The following GPHN variants were observed in gnomAD, a reference collection of about 807,000 sequenced individuals.
The protein encoded by GPHN is gephyrin.
In GPHN, 17 loss-of-function variants were observed where a neutral mutation model predicts 95.5. That is an observed-to-expected ratio of 0.18 (90% CI 0.12 to 0.27). The LOEUF is 0.27. GPHN is among the 10% of genes least tolerant of loss of function. The pLI is 1.00. For synonymous variants in GPHN, 320 were observed against 322.5 expected (o/e 0.99, Z 0.08); for missense variants, 660 against 978.1 (o/e 0.67, Z 4.34).
At chr14:67,269,095 G>A in the GPHN span, among the ~76,000 whole-genome samples, 1 of 152,058 alleles carries the variant, frequency 6.6e-6, no homozygotes, top group African/African-American at 2.4e-5. Flanking sequence ...TGCCTCTTCT[G>A]GATATTTCAT....
At chr14:67,212,657 T>A in the GPHN span, among the ~76,000 whole-genome samples, 6 of 146,958 alleles carry the variant, frequency 4.1e-5, no homozygotes, top group African/African-American at 5.0e-5. Flanking sequence ...ATATATATAA[T>A]ATATATTTAC....
the GPHN span, chr14:67,572,298 G>A: frequency 1.3e-5 from 20 of 1,569,630 alleles, no homozygotes; most frequent in Non-Finnish European, 1.5e-5. Flanking sequence ...AAACGGGCGG[G>A]GGCAGGGTGG....
intron 9 of GPHN, among the ~76,000 whole-genome samples, chr14:66,997,391 C>CTTCAG (rs2071890780): frequency 6.8e-6 from 1 of 146,360 alleles, no homozygotes; most frequent in Non-Finnish European, 1.5e-5. Flanking sequence ...AAAAAAAGGA[C>CTTCAG]TTCAGTAGCC....
Position 66,965,200 on chromosome 14 carries a change from T to G in GPHN, c.838T>G (p.Ser280Ala). 3 of 1,611,794 alleles carry G rather than the reference T, an allele frequency of 1.9e-6. No homozygotes were observed. The highest frequency in any genetic ancestry group is 2.5e-6 in the Non-Finnish European group (3 of 1,177,940). Residue 280 changes from serine (S) to alanine (A), a missense_variant, in exon 9 of 23, where the codon TCC becomes GCC. Ser to Ala is a moderately conservative substitution (Grantham distance 99). This residue lies in a region of GPHN where 190 missense variants were observed against 224.7 expected (regional missense o/e 0.85). Coordinates refer to ENST00000478722, the MANE Select transcript of GPHN (RefSeq NM_020806.5). ...HHSTDERIPD[S>A]IISRGVQVLP... ...TGTTCCCCTTGTTCAGATTCCAGAC[T>G]CCATCATTTCTCGTGGTGTTCAGGT...
chr14:66,685,593 G>GTGCT (rs2067298598), intron 2 of GPHN, among the ~76,000 whole-genome samples: 1 of 151,872 alleles, frequency 6.6e-6, no homozygotes, highest in South Asian at 2.1e-4. Context: ...CTTTTTGATG[G>GTGCT]GGTTGTTTTT....
At chr14:67,726,853 T>C in the GPHN span, 1 of 766,078 alleles carries the variant, frequency 1.3e-6, no homozygotes, top group South Asian at 1.5e-5. Context: ...CCATTAGAGT[T>C]ACTCATGGCA....
chr14:66,791,304 A>G (rs1390029850), intron 3 of GPHN, among the ~76,000 whole-genome samples: 2 of 152,210 alleles, frequency 1.3e-5, no homozygotes, highest in Admixed American at 1.3e-4. Flanking sequence ...ATGCTGCCTG[A>G]ACAGGGTCCT....
the GPHN span, among the ~76,000 whole-genome samples, chr14:67,291,467 T>C: frequency 2.6e-5 from 4 of 152,102 alleles, no homozygotes; most frequent in African/African-American, 7.2e-5. Context: ...GTATTTTTAA[T>C]AGAGACGGGG....
chr14:67,215,414 T>A, the GPHN span, among the ~76,000 whole-genome samples: 4 of 152,094 alleles, frequency 2.6e-5, no homozygotes, highest in Non-Finnish European at 4.4e-5. Context: ...TTGTTTTTTT[T>A]TTTTATGATA....
chr14:67,651,405 T>G, the GPHN span: 1 of 1,613,998 alleles, frequency 6.2e-7, no homozygotes, highest in Non-Finnish European at 8.5e-7. Flanking sequence ...CGAAAGAATT[T>G]GTAGTAAACC....
intron 9 of GPHN, among the ~76,000 whole-genome samples, chr14:66,988,988 C>T (rs1033429805): frequency 6.6e-6 from 1 of 151,922 alleles, no homozygotes; most frequent in Admixed American, 6.6e-5. Flanking sequence ...TGATAATTAT[C>T]TTATTTCTCA....
chr14:66,552,988 CTTTTCTT>C (rs1376518666), intron 1 of GPHN, among the ~76,000 whole-genome samples: 44 of 131,850 alleles, frequency 3.3e-4, no homozygotes, highest in African/African-American at 1.2e-3. Context: ...TTTTTCTTTT[CTTTTCTT>C]TTTTCTTTTT....
chr14:66,754,703 G>A (rs959567466), intron 2 of GPHN, among the ~76,000 whole-genome samples: 6 of 151,770 alleles, frequency 4.0e-5, no homozygotes, highest in East Asian at 1.9e-4. Context: ...GTACTATTGT[G>A]CCTATACAGA....
At chr14:67,030,998 GGTTTT>G (rs985503996) in intron 10 of GPHN, among the ~76,000 whole-genome samples, 1 of 136,000 alleles carries the variant, frequency 7.4e-6, no homozygotes, top group African/African-American at 3.3e-5. Flanking sequence ...AAATACTGGG[GGTTTT>G]GTTTGTTTGT....
At chr14:66,586,721 T>A (rs2061435509) in intron 1 of GPHN, among the ~76,000 whole-genome samples, 1 of 152,218 alleles carries the variant, frequency 6.6e-6, no homozygotes, top group African/African-American at 2.4e-5. Flanking sequence ...TGGCCCCCAC[T>A]CTCTTCTGGC....
At chr14:67,005,102 A>G (rs1325493099) in intron 9 of GPHN, among the ~76,000 whole-genome samples, 3 of 149,604 alleles carry the variant, frequency 2.0e-5, no homozygotes, top group Admixed American at 2.0e-4. Flanking sequence ...TTTTTTTTTT[A>G]ATTCACTAAG....
At chr14:66,924,735 T>G (rs2066395930) in intron 8 of GPHN, among the ~76,000 whole-genome samples, 1 of 152,186 alleles carries the variant, frequency 6.6e-6, no homozygotes, top group Admixed American at 6.6e-5. Context: ...CATCTCATTT[T>G]TTTTTCATTC....
chr14:66,561,011 T>A (rs1225169196), intron 1 of GPHN, among the ~76,000 whole-genome samples: 4 of 152,206 alleles, frequency 2.6e-5, no homozygotes, highest in Non-Finnish European at 4.4e-5. Flanking sequence ...ATGTGGTTTT[T>A]GTCTCTGGTT....
chr14:67,363,937 G>A, the GPHN span: 40 of 152,166 alleles, frequency 2.6e-4, no homozygotes, highest in Non-Finnish European at 4.3e-4. Flanking sequence ...CTTCTACCCA[G>A]GCTATGATTT....
Sources: allele counts gnomAD v4.1 joint callset (sites outside exome capture counted in the v4.1 genomes callset), GRCh38; gene constraint gnomAD v4.1.1; regional missense constraint gnomAD v4.1.1; transcripts MANE v1.5; gene names NCBI Gene and HGNC (gene_info 2026-07-23, HGNC 2026-07-21).